The following ADAMTS3 variants were observed in gnomAD, a reference collection of about 807,000 sequenced individuals.
The protein encoded by ADAMTS3 is A disintegrin and metalloproteinase with thrombospondin motifs 3.
Under a neutral mutation model 129.0 loss-of-function variants are expected in ADAMTS3, and 73 were observed. That is an observed-to-expected ratio of 0.57 (90% CI 0.47 to 0.69). ADAMTS3 has a LOEUF of 0.69. Among genes scored for constraint, ADAMTS3 ranks in the 30% least tolerant of loss-of-function variants. The pLI, the probability that ADAMTS3 is intolerant of heterozygous loss-of-function variation, is 0.00. For missense variants in ADAMTS3, 1,457 were observed against 1,514.5 expected (o/e 0.96, Z 0.63); for synonymous variants, 477 against 510.8 (o/e 0.93, Z 0.89).
intron 4 of ADAMTS3, among the ~76,000 whole-genome samples, chr4:72,366,526 T>A (rs377120775): frequency 4.6e-5 from 7 of 152,322 alleles, no homozygotes; most frequent in African/African-American, 1.7e-4. Context: ...GCTATGCTTT[T>A]TAGGGTTCCT....
intron 5 of ADAMTS3, among the ~76,000 whole-genome samples, chr4:72,338,865 G>T (rs1266763373): frequency 6.6e-6 from 1 of 152,062 alleles, no homozygotes; most frequent in African/African-American, 2.4e-5. Context: ...CAAGTTTCAG[G>T]ATATTGACAA....
intron 4 of ADAMTS3, among the ~76,000 whole-genome samples, chr4:72,356,143 G>C (rs1297170185): frequency 6.6e-6 from 1 of 151,920 alleles, no homozygotes; most frequent in African/African-American, 2.4e-5. Flanking sequence ...AAATCAGCAG[G>C]TAAATGGTTT....
intron 3 of ADAMTS3, among the ~76,000 whole-genome samples, chr4:72,451,740 G>T (rs1250361493): frequency 6.6e-6 from 1 of 151,690 alleles, no homozygotes; most frequent in Non-Finnish European, 1.5e-5. Context: ...AAATATGATT[G>T]ACCCATTATA....
At chr4:72,477,800 C>T (rs1300960185) in intron 3 of ADAMTS3, among the ~76,000 whole-genome samples, 1 of 151,564 alleles carries the variant, frequency 6.6e-6, no homozygotes, top group Non-Finnish European at 1.5e-5. Flanking sequence ...ACTAGCAAGA[C>T]TAATAAAGAA....
In ADAMTS3 at chr4:72,305,883, T is replaced by G. The variant is rs993479275; in HGVS notation, c.2260+104A>C. 4 of 939,478 alleles carry G rather than the reference T, an allele frequency of 4.3e-6. No individual in the cohort carries two copies. In the African/African-American group the frequency reaches 6.7e-5, roughly 16 times the overall value. The allele number at this position is 939,478 out of a possible 1,614,324, so 58.2% of individuals were successfully genotyped here. A position where few individuals can be genotyped will look rare whatever the true frequency, so the allele number is the denominator to read the frequency against. ...ATGCACATGTATGTACATATACGTATGCACATATATGTGTACATATATACA... is the reference window on the plus strand; with the variant it reads ...ATGCACATGTATGTACATATACGTAGGCACATATATGTGTACATATATACA... On this transcript the variant is annotated intron_variant, in intron 16 of 21. Transcript: ENST00000286657.
At chr4:72,319,053 C>T (rs1263318001) in intron 9 of ADAMTS3, among the ~76,000 whole-genome samples, 2 of 152,096 alleles carry the variant, frequency 1.3e-5, no homozygotes, top group Non-Finnish European at 1.5e-5. Flanking sequence ...CCATCCTCCC[C>T]CCATCCTCAA....
intron 4 of ADAMTS3, among the ~76,000 whole-genome samples, chr4:72,359,254 G>A (rs988339932): frequency 6.6e-6 from 1 of 151,948 alleles, no homozygotes; most frequent in African/African-American, 2.4e-5. Flanking sequence ...CATATCATGA[G>A]CCTTGCAAAA....
At chr4:72,553,823 C>G (rs893323930) in intron 2 of ADAMTS3, among the ~76,000 whole-genome samples, 1 of 152,294 alleles carries the variant, frequency 6.6e-6, no homozygotes, top group South Asian at 2.1e-4. Flanking sequence ...GTAGCCAGTG[C>G]ACTTGCCTGT....
chr4:72,455,123 TAGA>T (rs1718508315), intron 3 of ADAMTS3, among the ~76,000 whole-genome samples: 1 of 151,678 alleles, frequency 6.6e-6, no homozygotes, highest in African/African-American at 2.4e-5. Context: ...TGAACAATGA[TAGA>T]AGAAAAACTG....
intron 3 of ADAMTS3, among the ~76,000 whole-genome samples, chr4:72,477,038 A>T (rs1208417038): frequency 3.9e-5 from 6 of 152,210 alleles, no homozygotes; most frequent in African/African-American, 1.4e-4. Flanking sequence ...CCTCAACTTG[A>T]CAAAAAGCAT....
rs1295115517 is a variant in ADAMTS3, at chr4:72,283,544, A to C, written c.3210T>G (p.Asp1070Glu). 1.9e-6 allele frequency: 3 copies of C among 1,614,110 alleles called. No homozygotes were observed. The South Asian group carries it at 3.3e-5, about 18-fold the overall frequency. Residue 1070 changes from aspartate to glutamate, a missense_variant, in exon 22 of 22, where the codon GAT (aspartate) becomes GAG (glutamate). Transcript: ENST00000286657. ...PYLLEAAETH[D>E]DVISNPSDLP... ...GGTCACTAGGGTTAGAGATGACATC[A>C]TCATGAGTTTCAGCAGCTTCTAGAA...
At chr4:72,458,871 A>G (rs1718692524) in intron 3 of ADAMTS3, among the ~76,000 whole-genome samples, 2 of 151,618 alleles carry the variant, frequency 1.3e-5, no homozygotes, top group Admixed American at 1.3e-4. Flanking sequence ...ACCTAGAAAG[A>G]ACACTTAAAT....
rs192157952 is a variant in ADAMTS3 at position 72,302,668 on chromosome 4, G to T, written c.2424+1249C>A. Among the ~76,000 whole-genome samples, 165 of 152,074 alleles carry T rather than the reference G, an allele frequency of 1.1e-3. 1 individual carries two copies. Among genetic ancestry groups the T allele is most frequent in the African/African-American group, 3.9e-3 (160 of 41,494 alleles). On this transcript the variant is annotated intron_variant, in intron 17 of 21. Coordinates refer to ENST00000286657, the MANE Select transcript of ADAMTS3 (RefSeq NM_014243.3). ...AGCCAAGATTCTCAGTGAACCCCAA[G>T]CATAAGACATACAAAGAACACGGTA...
intron 21 of ADAMTS3, among the ~76,000 whole-genome samples, chr4:72,288,011 A>G (rs1185607726): frequency 6.6e-6 from 1 of 152,132 alleles, no homozygotes. Flanking sequence ...AATTACAGGC[A>G]TGCGCCACCA....
intron 3 of ADAMTS3, among the ~76,000 whole-genome samples, chr4:72,434,544 G>GC (rs1288303567): frequency 2.0e-5 from 3 of 151,528 alleles, no homozygotes; most frequent in Non-Finnish European, 4.4e-5. Context: ...TTCTAAGGTG[G>GC]CCCCCCCAAA....
intron 3 of ADAMTS3, among the ~76,000 whole-genome samples, chr4:72,520,082 T>C (rs1407143757): frequency 6.6e-6 from 1 of 152,216 alleles, no homozygotes. Context: ...TGCAGGTCTG[T>C]TGGAGTTTGC....
In ADAMTS3 at chr4:72,343,219, T is replaced by A. The variant is rs540057275; in HGVS notation, c.662-3526A>T. Among the ~76,000 whole-genome samples the A allele has an allele frequency of 1.5e-3, 227 of 152,252 alleles. 1 individual carries two copies. The highest frequency in any genetic ancestry group is 5.3e-3 in the African/African-American group (219 of 41,556). ...ACCTGGCCAGTGCCATGTTGTCTCATCCTTACTGTACATGTGGCTGGCAAA... is the reference window on the plus strand; with the variant it reads ...ACCTGGCCAGTGCCATGTTGTCTCAACCTTACTGTACATGTGGCTGGCAAA... On this transcript the variant is annotated intron_variant, in intron 4 of 21. Transcript: ENST00000286657.
chr4:72,297,998 G>A lies in ADAMTS3; in HGVS notation c.2590+279C>T, dbSNP rs114616012. Among the ~76,000 whole-genome samples the A allele has an allele frequency of 4.1e-3, 628 of 152,132 alleles. 6 individuals carry two copies. Among genetic ancestry groups the A allele is most frequent in the African/African-American group, 0.014 (597 of 41,512 alleles). On this transcript the variant is annotated intron_variant, in intron 18 of 21. Transcript: ENST00000286657. ...GAATTTGGGAGAGTTTTGGAGTTTG[G>A]GAAGAATAAAGTGATTAAGGGTACC...
At position 72,294,158 on chromosome 4, in the gene ADAMTS3, T is replaced by A. The variant is rs148015368; in HGVS notation, c.2723+1496A>T. 3.3e-3 allele frequency among the ~76,000 whole-genome samples: 509 copies of A among 152,130 alleles called. 1 individual carries two copies. Among genetic ancestry groups the A allele is most frequent in the Non-Finnish European group, 5.5e-3 (376 of 67,970 alleles). On this transcript the variant is annotated intron_variant, in intron 19 of 21. Coordinates refer to ENST00000286657, the MANE Select transcript of ADAMTS3 (RefSeq NM_014243.3). ...ACAACATAGATGAAACTGGAGGAAG[T>A]TATGCTAAGTGAAATGAATCAGACA...
Sources: gnomAD v4.1 joint callset for allele counts (sites outside exome capture counted in the v4.1 genomes callset) on GRCh38, gnomAD v4.1.1 for gene constraint, MANE v1.5 for transcripts, NCBI Gene and HGNC (gene_info 2026-07-23, HGNC 2026-07-21) for gene names.